SAMD4A: variants seen among roughly 807,000 people sequenced by gnomAD.
The protein encoded by SAMD4A is sterile alpha motif domain containing 4A, also known as protein Smaug homolog 1.
A neutral mutation model predicts 81.3 loss-of-function variants in SAMD4A; 33 were observed. That is an observed-to-expected ratio of 0.41 (90% CI 0.31 to 0.54). The LOEUF (loss-of-function observed/expected upper bound fraction) is 0.54, where lower values mean the gene tolerates loss of function less well. SAMD4A is among the 20% of genes least tolerant of loss of function. SAMD4A has a pLI of 0.37. For synonymous variants in SAMD4A, 389 were observed against 382.1 expected (o/e 1.02, Z -0.21); for missense variants, 854 against 951.1 (o/e 0.90, Z 1.34).
intron 2 of SAMD4A, among the ~76,000 whole-genome samples, chr14:54,684,450 G>C (rs989079941): frequency 6.6e-6 from 1 of 152,228 alleles, no homozygotes; most frequent in Non-Finnish European, 1.5e-5. Flanking sequence ...GCCCATTGTG[G>C]TGCCCAACAG....
At chr14:54,762,886 G>A (rs1266608499) in intron 7 of SAMD4A, among the ~76,000 whole-genome samples, 1 of 146,710 alleles carries the variant, frequency 6.8e-6, no homozygotes, top group East Asian at 2.0e-4. Context: ...ATGGAGTCTC[G>A]CTCTGTCACG....
chr14:54,709,116 A>C (rs749684706), intron 3 of SAMD4A, among the ~76,000 whole-genome samples: 1 of 152,154 alleles, frequency 6.6e-6, no homozygotes, highest in African/African-American at 2.4e-5. Context: ...ATCTCTATAA[A>C]AAATACAAAA....
At chr14:54,720,768 C>T (rs2037240759) in intron 3 of SAMD4A, among the ~76,000 whole-genome samples, 1 of 152,112 alleles carries the variant, frequency 6.6e-6, no homozygotes, top group Non-Finnish European at 1.5e-5. Context: ...AATGGCTTAG[C>T]ACCAGGTTCC....
intron 11 of SAMD4A, among the ~76,000 whole-genome samples, chr14:54,781,226 C>T (rs564255869): frequency 6.6e-6 from 1 of 152,330 alleles, no homozygotes; most frequent in South Asian, 2.1e-4. Flanking sequence ...GAAATTGGCT[C>T]CTTACCCTCA....
At chr14:54,603,394 G>T (rs1160559067) in intron 2 of SAMD4A, among the ~76,000 whole-genome samples, 1 of 152,140 alleles carries the variant, frequency 6.6e-6, no homozygotes. Context: ...TATGAATATG[G>T]ATTTTAACTC....
rs147272885 is a variant in SAMD4A at position 54,673,992 on chromosome 14, C to T, written c.197-28070C>T. Among the ~76,000 whole-genome samples, 243 of 152,308 alleles carry T rather than the reference C, an allele frequency of 1.6e-3. 1 individual carries two copies. The highest frequency in any genetic ancestry group is 5.1e-3 in the African/African-American group (214 of 41,572). Reference sequence around the variant, plus strand: ...ACCTACTCTGAGTCATCAGACGCCACGCTTAGGGCACATAGAATTAAGTCG... The same window carrying T: ...ACCTACTCTGAGTCATCAGACGCCATGCTTAGGGCACATAGAATTAAGTCG... On this transcript the variant is annotated intron_variant, in intron 2 of 12. Transcript: ENST00000554335.
At chr14:54,710,770 G>A (rs1189184821) in intron 3 of SAMD4A, among the ~76,000 whole-genome samples, 2 of 152,196 alleles carry the variant, frequency 1.3e-5, no homozygotes, top group African/African-American at 2.4e-5. Context: ...AGCATTTTGT[G>A]TCAGTTTTTG....
chr14:54,609,996 C>G (rs1412480993), intron 2 of SAMD4A, among the ~76,000 whole-genome samples: 1 of 152,196 alleles, frequency 6.6e-6, no homozygotes, highest in Admixed American at 6.5e-5. Context: ...CAGCGTACCT[C>G]AGGTGATGAG....
chr14:54,586,347 A>G (rs1382861343), intron 2 of SAMD4A, among the ~76,000 whole-genome samples: 4 of 152,154 alleles, frequency 2.6e-5, no homozygotes, highest in African/African-American at 7.2e-5. Flanking sequence ...GGATGTATAG[A>G]TTGTGAAAAT....
At position 54,791,809 on chromosome 14, in the gene SAMD4A, A is replaced by T. The variant is rs1192958804; in HGVS notation, c.*2865A>T. On this transcript the variant is annotated 3_prime_UTR_variant, in exon 13 of 13. Transcript: ENST00000554335. ...AAAGAATCAAACAGTTGCATGCATG[A>T]GGCTGTGAAGTCAGATATTTAGTAA... The T allele has an allele frequency of 6.6e-6, 1 of 152,228 alleles. No individual in the cohort carries two copies. Among genetic ancestry groups the T allele is most frequent in the East Asian group, 1.9e-4 (1 of 5,204 alleles). 9.4% of individuals were successfully genotyped at this position (152,228 alleles called of 1,614,324 possible).
intron 2 of SAMD4A, among the ~76,000 whole-genome samples, chr14:54,658,765 T>G (rs560948934): frequency 2.0e-3 from 305 of 152,332 alleles, no homozygotes; most frequent in African/African-American, 7.2e-3. Context: ...CCAGTGTTCC[T>G]CCAAGCCTCT....
At chr14:54,714,907 A>G (rs964726622) in intron 3 of SAMD4A, among the ~76,000 whole-genome samples, 2 of 152,152 alleles carry the variant, frequency 1.3e-5, no homozygotes, top group Non-Finnish European at 2.9e-5. Context: ...TTCCACAAAT[A>G]CCATTATTCC....
At chr14:54,746,615 C>T (rs1420049613) in intron 4 of SAMD4A, among the ~76,000 whole-genome samples, 1 of 152,230 alleles carries the variant, frequency 6.6e-6, no homozygotes, top group Non-Finnish European at 1.5e-5. Flanking sequence ...ACCACGTTAT[C>T]ACCTTGGTTT....
chr14:54,637,679 T>G (rs758056287), intron 2 of SAMD4A, among the ~76,000 whole-genome samples: 1 of 152,148 alleles, frequency 6.6e-6, no homozygotes, highest in Admixed American at 6.5e-5. Context: ...AAGCATCTTC[T>G]TCCATCAGTT....
At chr14:54,722,484 G>A (rs1399165686) in intron 3 of SAMD4A, among the ~76,000 whole-genome samples, 2 of 152,172 alleles carry the variant, frequency 1.3e-5, no homozygotes, top group African/African-American at 2.4e-5. Context: ...TTAGATCACA[G>A]ACTTTATTTT....
At chr14:54,614,576 C>T (rs1046724736) in intron 2 of SAMD4A, among the ~76,000 whole-genome samples, 3 of 152,136 alleles carry the variant, frequency 2.0e-5, no homozygotes, top group Admixed American at 6.5e-5. Context: ...TGCCAGTGGT[C>T]GGCACCTTTC....
At chr14:54,752,001 A>T (rs1207240307) in intron 6 of SAMD4A, among the ~76,000 whole-genome samples, 1 of 152,198 alleles carries the variant, frequency 6.6e-6, no homozygotes, top group Non-Finnish European at 1.5e-5. Flanking sequence ...CAACAGGTAC[A>T]CTGCAGATAG....
chr14:54,758,622 A>G (rs2038308551), intron 6 of SAMD4A, among the ~76,000 whole-genome samples: 1 of 152,182 alleles, frequency 6.6e-6, no homozygotes, highest in African/African-American at 2.4e-5. Flanking sequence ...CTGGGGTCAG[A>G]AGTTCAAGAC....
intron 2 of SAMD4A, among the ~76,000 whole-genome samples, chr14:54,653,503 A>G (rs1379347215): frequency 6.6e-6 from 1 of 151,378 alleles, no homozygotes; most frequent in Non-Finnish European, 1.5e-5. Flanking sequence ...TGACGCCCAG[A>G]TAATTTTTGT....
Sources: allele counts gnomAD v4.1 joint callset (sites outside exome capture counted in the v4.1 genomes callset), GRCh38; gene constraint gnomAD v4.1.1; transcripts MANE v1.5; gene names NCBI Gene and HGNC (gene_info 2026-07-23, HGNC 2026-07-21).